Variants in TFB1M observed in about 807,000 individuals in gnomAD.
TFB1M encodes the protein transcription factor B1, mitochondrial, also known as dimethyladenosine transferase 1, mitochondrial.
In TFB1M, 27 loss-of-function variants were observed where a neutral mutation model predicts 31.1. That is an observed-to-expected ratio of 0.87 (90% CI 0.64 to 1.20). TFB1M has a LOEUF of 1.20. Ranked by LOEUF, TFB1M falls within the 50% of genes most tolerant of loss-of-function variation. The probability of loss-of-function intolerance (pLI) is 0.00; values close to 1 mark genes in which losing one functional copy is unlikely to be tolerated. For synonymous variants in TFB1M, 166 were observed against 151.8 expected (o/e 1.09, Z -0.69); for missense variants, 394 against 418.7 (o/e 0.94, Z 0.51).
intron 4 of TFB1M, among the ~76,000 whole-genome samples, chr6:155,295,227 G>A (rs1216294872): frequency 6.6e-6 from 1 of 151,942 alleles, no homozygotes; most frequent in Non-Finnish European, 1.5e-5. Context: ...TTAGCCGGGC[G>A]TGGTGGCGGG....
chr6:155,253,182 C>A, downstream of TFB1M: 1 of 744,166 alleles, frequency 1.3e-6, no homozygotes, highest in Non-Finnish European at 2.2e-6. Context: ...AAAATGAGGA[C>A]AAGAGAGGTT....
At chr6:155,234,896 G>C in the TFB1M span, among the ~76,000 whole-genome samples, 7 of 152,374 alleles carry the variant, frequency 4.6e-5, no homozygotes, top group Admixed American at 4.6e-4. Context: ...AGCAGGAGGC[G>C]TGAGGAACTA....
intron 5 of TFB1M, among the ~76,000 whole-genome samples, chr6:155,282,889 G>A (rs945707498): frequency 5.9e-5 from 9 of 151,846 alleles, no homozygotes; most frequent in South Asian, 2.1e-4. Context: ...CACCATGCCC[G>A]GCTAATTTTT....
the TFB1M span, chr6:155,250,106 A>C: frequency 1.6e-6 from 1 of 616,370 alleles, no homozygotes; most frequent in East Asian, 2.6e-5. Flanking sequence ...CAATGTGTCT[A>C]ATGAACTACA....
At chr6:155,281,050 A>T (rs748556948) in intron 5 of TFB1M, among the ~76,000 whole-genome samples, 1 of 152,234 alleles carries the variant, frequency 6.6e-6, no homozygotes, top group Non-Finnish European at 1.5e-5. Flanking sequence ...TATAAATTCT[A>T]TATATAGCTT....
chr6:155,295,044 A>G (rs936758290), intron 4 of TFB1M, among the ~76,000 whole-genome samples: 3 of 152,216 alleles, frequency 2.0e-5, no homozygotes, highest in African/African-American at 7.2e-5. Flanking sequence ...CTATATGAAT[A>G]CACATTATAT....
intron 3 of TFB1M, among the ~76,000 whole-genome samples, chr6:155,297,431 T>C (rs1184301123): frequency 2.0e-5 from 3 of 152,138 alleles, no homozygotes; most frequent in Non-Finnish European, 4.4e-5. Flanking sequence ...AAAGTGCCTA[T>C]GGAACACCTA....
chr6:155,271,899 G>C (rs1158778275), intron 5 of TFB1M, among the ~76,000 whole-genome samples: 1 of 152,116 alleles, frequency 6.6e-6, no homozygotes, highest in Non-Finnish European at 1.5e-5. Context: ...AACAAATCCT[G>C]TTGTAACAAC....
the TFB1M span, among the ~76,000 whole-genome samples, chr6:155,247,784 C>G: frequency 1.3e-5 from 2 of 152,202 alleles, no homozygotes; most frequent in Non-Finnish European, 2.9e-5. Flanking sequence ...ATTCCATCCT[C>G]GGAAGCTCCC....
chr6:155,275,260 A>G (rs542612412), intron 5 of TFB1M, among the ~76,000 whole-genome samples: 2 of 152,330 alleles, frequency 1.3e-5, no homozygotes, highest in African/African-American at 4.8e-5. Flanking sequence ...AATCATTTGA[A>G]AAACCTATAA....
At position 155,301,491 on chromosome 6, in the gene TFB1M, T is replaced by A. The variant is rs559620595; in HGVS notation, c.286-2906A>T. 1.3e-3 allele frequency among the ~76,000 whole-genome samples: 204 copies of A among 152,328 alleles called. 2 individuals carry two copies. The highest frequency in any genetic ancestry group is 4.5e-3 in the African/African-American group (188 of 41,562). On this transcript the variant is annotated intron_variant, in intron 2 of 6. Transcript: ENST00000367166. The stretch of plus-strand genomic sequence containing the variant: ...AGGGGGTGGGAAAATCACTATTATA[T>A]GCATTCGAGAATAACAATGGAGCAT...
At chr6:155,266,856 A>G (rs1784664590) in intron 5 of TFB1M, among the ~76,000 whole-genome samples, 1 of 150,948 alleles carries the variant, frequency 6.6e-6, no homozygotes, top group Non-Finnish European at 1.5e-5. Context: ...CAAAAAAAAA[A>G]AAAAAAAAAA....
the TFB1M span, among the ~76,000 whole-genome samples, chr6:155,238,823 G>C: frequency 2.0e-5 from 3 of 152,228 alleles, no homozygotes; most frequent in African/African-American, 7.2e-5. Context: ...TCTTTGTGTA[G>C]GAACTGTTTC....
the TFB1M span, chr6:155,248,000 CTA>C: frequency 6.2e-7 from 1 of 1,613,806 alleles, no homozygotes; most frequent in South Asian, 1.1e-5. Flanking sequence ...CTGCTTGTAG[CTA>C]AAACTGACAA....
chr6:155,244,434 T>TAA, the TFB1M span, among the ~76,000 whole-genome samples: 1 of 152,242 alleles, frequency 6.6e-6, no homozygotes, highest in African/African-American at 2.4e-5. Context: ...TACATCCACT[T>TAA]AAAAATTTAC....
chr6:155,283,202 G>A (rs770929250), intron 5 of TFB1M, among the ~76,000 whole-genome samples: 1 of 152,108 alleles, frequency 6.6e-6, no homozygotes, highest in African/African-American at 2.4e-5. Flanking sequence ...AGGCCAAAGC[G>A]GGTAGGTCAC....
chr6:155,243,927 C>A, the TFB1M span: 1 of 932,826 alleles, frequency 1.1e-6, no homozygotes, highest in Non-Finnish European at 1.7e-6. Flanking sequence ...GCCTTGGGAG[C>A]TGCTGCCAGG....
intron 1 of TFB1M, among the ~76,000 whole-genome samples, chr6:155,312,663 G>A (rs1179472193): frequency 6.6e-6 from 1 of 152,078 alleles, no homozygotes; most frequent in African/African-American, 2.4e-5. Flanking sequence ...TCTTCTGCCT[G>A]AGCTTCTAAC....
chr6:155,252,882 T>G (rs898331712), downstream of TFB1M: 4 of 1,422,898 alleles, frequency 2.8e-6, no homozygotes, highest in African/African-American at 4.2e-5. Context: ...TTCTATTCAC[T>G]GTGCACACAT....
Sources: gnomAD v4.1 joint callset for allele counts (sites outside exome capture counted in the v4.1 genomes callset) on GRCh38, gnomAD v4.1.1 for gene constraint, MANE v1.5 for transcripts, NCBI Gene and HGNC (gene_info 2026-07-23, HGNC 2026-07-21) for gene names.